NCAM2: variants seen among roughly 807,000 people sequenced by gnomAD.
NCAM2 encodes the protein neural cell adhesion molecule 2.
NCAM2 carries 30 observed loss-of-function variants against 98.1 expected under a neutral mutation model. The ratio of observed to expected loss-of-function variants is 0.31; its 90% CI spans 0.23 to 0.41. NCAM2 has a LOEUF of 0.41. Ranked by LOEUF, NCAM2 falls within the 10% of genes least tolerant of loss-of-function variation. NCAM2 has a pLI of 1.00. For synonymous variants in NCAM2, 368 were observed against 342.4 expected, an observed-to-expected ratio of 1.07 and a Z score of -0.83; for missense variants, 867 against 1,005.8, an observed-to-expected ratio of 0.86 and a Z score of 1.87.
chr21:21,351,207 CACTA>C lies in NCAM2; in HGVS notation c.1044+12677_1044+12680del, dbSNP rs2075331220. Among the ~76,000 whole-genome samples, 5 of 149,608 alleles carry C rather than the reference CACTA, an allele frequency of 3.3e-5. No individual in the cohort carries two copies. In the South Asian group the frequency reaches 1.1e-3, roughly 31 times the overall value. On this transcript the variant is annotated intron_variant, in intron 8 of 17. Transcript: ENST00000400546. ...TTCTCTATTTTATTGAGTTAGTTGTCACTAACTTTTAATTATTAGTTTATTTTAA... is the reference window on the plus strand; with the variant it reads ...TTCTCTATTTTATTGAGTTAGTTGTCACTTTTAATTATTAGTTTATTTTAA...
intron 1 of NCAM2, among the ~76,000 whole-genome samples, chr21:21,109,598 TTCCACCAG>T (rs2066415582): frequency 6.6e-6 from 1 of 152,188 alleles, no homozygotes; most frequent in Non-Finnish European, 1.5e-5. Context: ...GAAATGCCAT[TTCCACCAG>T]TTTTTTCTTT....
At chr21:21,309,529 T>C (rs1237836825) in intron 5 of NCAM2, among the ~76,000 whole-genome samples, 1 of 152,206 alleles carries the variant, frequency 6.6e-6, no homozygotes, top group African/African-American at 2.4e-5. Context: ...AGCTTGGAAG[T>C]TGTTCCTTCC....
At chr21:21,393,328 A>G (rs1484709959) in intron 9 of NCAM2, among the ~76,000 whole-genome samples, 1 of 152,072 alleles carries the variant, frequency 6.6e-6, no homozygotes, top group East Asian at 1.9e-4. Context: ...TATCAGTACC[A>G]TGCTGTTTTG....
chr21:21,149,830 G>A (rs2067394988), intron 1 of NCAM2, among the ~76,000 whole-genome samples: 2 of 152,250 alleles, frequency 1.3e-5, no homozygotes, highest in Admixed American at 6.5e-5. Context: ...GGGCATTTGA[G>A]TTGGTTCCAA....
chr21:21,311,190 A>G (rs1361990313), intron 5 of NCAM2, among the ~76,000 whole-genome samples: 2 of 152,114 alleles, frequency 1.3e-5, no homozygotes, highest in Non-Finnish European at 2.9e-5. Context: ...CTTTTTTTCT[A>G]TCTTGAGTCT....
At chr21:21,391,543 T>C (rs1231099051) in intron 9 of NCAM2, among the ~76,000 whole-genome samples, 1 of 152,052 alleles carries the variant, frequency 6.6e-6, no homozygotes, top group African/African-American at 2.4e-5. Context: ...TAATAATTAA[T>C]CTGAATCAAA....
chr21:21,438,745 T>C (rs1978775294), intron 12 of NCAM2, among the ~76,000 whole-genome samples: 1 of 151,954 alleles, frequency 6.6e-6, no homozygotes, highest in South Asian at 2.1e-4. Context: ...AAACAGCTAC[T>C]CTTTTTTTTT....
intron 2 of NCAM2, among the ~76,000 whole-genome samples, chr21:21,281,773 G>T (rs1343173031): frequency 1.3e-5 from 2 of 151,560 alleles, no homozygotes; most frequent in African/African-American, 2.4e-5. Flanking sequence ...CTTAAAACTG[G>T]ATTAAAATAG....
chr21:21,522,632 C>CTTTTTTTTTTTTTTTTT (rs61635255), intron 16 of NCAM2, among the ~76,000 whole-genome samples: 13 of 124,772 alleles, frequency 1.0e-4, no homozygotes, highest in East Asian at 2.4e-4. Flanking sequence ...TTTTCTTTTT[C>CTTTTTTTTTTTTTTTTT]TTTTTTTTTT....
In NCAM2 at chr21:21,052,149, CA is replaced by C. The variant is rs1479134427; in HGVS notation, c.55+53532del. 1.2e-3 allele frequency among the ~76,000 whole-genome samples: 131 copies of C among 109,954 alleles called. 1 individual carries two copies. The highest frequency in any genetic ancestry group is 4.8e-3 in the African/African-American group (129 of 26,710). 72.1% of individuals were successfully genotyped at this position (109,954 alleles called of 152,430 possible). On this transcript the variant is annotated intron_variant, in intron 1 of 17. Transcript: ENST00000400546. ...CATGAGAACTCAAACTCATGATGGCCATTTTTTTTTTTTTTTTTTTTTTTTT... is the reference window on the plus strand; with the variant it reads ...CATGAGAACTCAAACTCATGATGGCCTTTTTTTTTTTTTTTTTTTTTTTTT...
At chr21:21,235,790 T>C (rs1320439437) in intron 1 of NCAM2, among the ~76,000 whole-genome samples, 1 of 151,994 alleles carries the variant, frequency 6.6e-6, no homozygotes, top group African/African-American at 2.4e-5. Context: ...TCTCAGCTTA[T>C]GGGTCAATGC....
rs114164053 is a variant in NCAM2 at position 21,390,398 on chromosome 21, G to A, written c.1195+16385G>A. 7.8e-3 allele frequency among the ~76,000 whole-genome samples: 1,183 copies of A among 152,214 alleles called. 15 individuals carry two copies. The highest frequency in any genetic ancestry group is 0.027 in the African/African-American group (1,135 of 41,536). ...GGCCACTGGAGAGTTCTGATCGGAG[G>A]TACAAGCAGTCTTCTCAGATCATAT... On this transcript the variant is annotated intron_variant, in intron 9 of 17. Transcript: ENST00000400546.
chr21:21,520,666 G>A (rs750805350), intron 16 of NCAM2, among the ~76,000 whole-genome samples: 2 of 152,114 alleles, frequency 1.3e-5, no homozygotes, highest in Non-Finnish European at 2.9e-5. Flanking sequence ...ACAATTCTTA[G>A]ATTCATAAGA....
intron 9 of NCAM2, among the ~76,000 whole-genome samples, chr21:21,387,628 A>T (rs553130799): frequency 1.2e-4 from 19 of 152,370 alleles, no homozygotes; most frequent in African/African-American, 4.6e-4. Flanking sequence ...TTAAATTACC[A>T]AGTTTCAATT....
chr21:21,295,609 G>GT (rs952853609), intron 5 of NCAM2, among the ~76,000 whole-genome samples: 10 of 151,682 alleles, frequency 6.6e-5, no homozygotes, highest in Admixed American at 2.6e-4. Context: ...TTTTTCTCTT[G>GT]TTTTTTTCCT....
intron 9 of NCAM2, among the ~76,000 whole-genome samples, chr21:21,402,121 A>G (rs533631378): frequency 6.6e-6 from 1 of 152,284 alleles, no homozygotes; most frequent in African/African-American, 2.4e-5. Flanking sequence ...ACAGAATAAC[A>G]GCGATTTTAG....
intron 1 of NCAM2, among the ~76,000 whole-genome samples, chr21:21,210,930 A>AGG: frequency 6.7e-6 from 1 of 149,906 alleles, no homozygotes; most frequent in Non-Finnish European, 1.5e-5. Context: ...TAGCTTCCAT[A>AGG]TAGGAGAAGT....
intron 9 of NCAM2, among the ~76,000 whole-genome samples, chr21:21,395,158 C>A (rs1405344840): frequency 6.6e-6 from 1 of 151,966 alleles, no homozygotes; most frequent in African/African-American, 2.4e-5. Flanking sequence ...ATGGCGAAAC[C>A]CCATCTCTAT....
At chr21:21,525,282 A>G (rs1228166147) in intron 16 of NCAM2, among the ~76,000 whole-genome samples, 1 of 152,170 alleles carries the variant, frequency 6.6e-6, no homozygotes, top group Non-Finnish European at 1.5e-5. Context: ...AAAATAAAAG[A>G]AGACAGAGAT....
Sources: gnomAD v4.1 joint callset for allele counts (sites outside exome capture counted in the v4.1 genomes callset) on GRCh38, gnomAD v4.1.1 for gene constraint, MANE v1.5 for transcripts, NCBI Gene and HGNC (gene_info 2026-07-23, HGNC 2026-07-21) for gene names.